MCTP2: variants seen among roughly 807,000 people sequenced by gnomAD.
The protein encoded by MCTP2 is multiple C2 and transmembrane domain containing 2.
A neutral mutation model predicts 111.6 loss-of-function variants in MCTP2; 132 were observed. The observed-to-expected ratio is 1.18, with a 90% CI of 1.03 to 1.37. MCTP2 has a LOEUF of 1.37. Among genes scored for constraint, MCTP2 ranks in the 40% most tolerant of loss-of-function variants. The pLI is 0.00. For missense variants in MCTP2, 1,183 were observed against 1,067.9 expected (o/e 1.11, Z -1.50); for synonymous variants, 395 against 387.7 (o/e 1.02, Z -0.22).
At chr15:94,297,265 C>T (rs1158122268) in intron 1 of MCTP2, among the ~76,000 whole-genome samples, 1 of 152,314 alleles carries the variant, frequency 6.6e-6, no homozygotes, top group African/African-American at 2.4e-5. Context: ...CAAATCACCA[C>T]TTTCCTCCAC....
intron 17 of MCTP2, among the ~76,000 whole-genome samples, chr15:94,436,881 A>G (rs75408871): frequency 0.14 from 21,124 of 151,876 alleles, 1,555 homozygotes; most frequent in East Asian, 0.25. Context: ...CAAAAAACGT[A>G]ACAATAGGGA....
intron 21 of MCTP2, among the ~76,000 whole-genome samples, chr15:94,474,013 A>G (rs554875684): frequency 9.1e-4 from 138 of 152,202 alleles, no homozygotes; most frequent in African/African-American, 3.1e-3. Context: ...GATCAATTCA[A>G]TCTATGATCC....
At chr15:94,244,328 G>GTA (rs200339267) in intron 1 of MCTP2, among the ~76,000 whole-genome samples, 3,542 of 145,912 alleles carry the variant, frequency 0.024, 126 homozygotes, top group African/African-American at 0.085. Flanking sequence ...GTATACACAT[G>GTA]TATATATACA....
At chr15:94,292,801 A>G (rs186345620) in intron 1 of MCTP2, 4 of 152,342 alleles carry the variant, frequency 2.6e-5, no homozygotes, top group African/African-American at 7.2e-5. Flanking sequence ...GAATAGCTAA[A>G]CAAATTTGGA....
intron 14 of MCTP2, among the ~76,000 whole-genome samples, chr15:94,394,378 G>A (rs1028323306): frequency 6.6e-6 from 1 of 151,994 alleles, no homozygotes; most frequent in Non-Finnish European, 1.5e-5. Context: ...AGTGTAAGCT[G>A]GCATTATTTT....
intron 1 of MCTP2, among the ~76,000 whole-genome samples, chr15:94,242,061 C>T (rs1224117891): frequency 3.3e-5 from 5 of 152,126 alleles, no homozygotes; most frequent in African/African-American, 1.2e-4. Flanking sequence ...GCAAGAGTTC[C>T]TGTAGGCCAC....
At chr15:94,313,312 A>G (rs1046840518) in intron 2 of MCTP2, among the ~76,000 whole-genome samples, 1 of 152,208 alleles carries the variant, frequency 6.6e-6, no homozygotes, top group Non-Finnish European at 1.5e-5. Context: ...AAAAGCTGAC[A>G]CAACTGAGGA....
At chr15:94,470,862 T>C (rs2073868024) in intron 21 of MCTP2, among the ~76,000 whole-genome samples, 2 of 152,036 alleles carry the variant, frequency 1.3e-5, no homozygotes, top group African/African-American at 4.8e-5. Flanking sequence ...ACTTCATCCC[T>C]CTTGGAGAAA....
Position 94,307,797 on chromosome 15 carries a change from G to C in MCTP2, c.466-6485G>C, listed in dbSNP as rs539487192. On this transcript the variant is annotated intron_variant, in intron 2 of 22. Transcript: ENST00000357742. ...CTGTGGGCAGAGGGAAAATGGCACT[G>C]TCCCGAGGCTTCGTCAGCCAGTCTC... Among the ~76,000 whole-genome samples, 3 of 152,236 alleles carry C rather than the reference G, an allele frequency of 2.0e-5. No individual in the cohort carries two copies. In the East Asian group the frequency reaches 5.8e-4, roughly 29 times the overall value.
At chr15:94,316,939 T>C (rs2152367779) in intron 4 of MCTP2, among the ~76,000 whole-genome samples, 1 of 152,294 alleles carries the variant, frequency 6.6e-6, no homozygotes, top group South Asian at 2.1e-4. Flanking sequence ...CTCTTTGATC[T>C]GTCTTCTATG....
At chr15:94,245,831 C>T (rs1037524794) in intron 1 of MCTP2, among the ~76,000 whole-genome samples, 1 of 151,336 alleles carries the variant, frequency 6.6e-6, no homozygotes, top group Non-Finnish European at 1.5e-5. Context: ...ATTGCTCCCC[C>T]CCCAGCCAAA....
At chr15:94,369,697 A>G (rs1309919543) in intron 11 of MCTP2, among the ~76,000 whole-genome samples, 4 of 152,218 alleles carry the variant, frequency 2.6e-5, no homozygotes, top group Admixed American at 2.6e-4. Flanking sequence ...TGTACTAACT[A>G]GGTCAGAATA....
chr15:94,458,439 G>C (rs1378908022), intron 20 of MCTP2, among the ~76,000 whole-genome samples, 193 bp downstream of exon 20: 1 of 152,074 alleles, frequency 6.6e-6, no homozygotes, highest in Non-Finnish European at 1.5e-5. Flanking sequence ...TCAGAACTGG[G>C]GTGACCATAC....
At chr15:94,333,231 C>T (rs966458896) in intron 4 of MCTP2, among the ~76,000 whole-genome samples, 2 of 152,100 alleles carry the variant, frequency 1.3e-5, no homozygotes, top group East Asian at 1.9e-4. Flanking sequence ...GAGCAAGTCT[C>T]CGTCTTGGAG....
At chr15:94,246,296 T>C (rs561058555) in intron 1 of MCTP2, among the ~76,000 whole-genome samples, 1 of 152,306 alleles carries the variant, frequency 6.6e-6, no homozygotes, top group East Asian at 1.9e-4. Flanking sequence ...TACTATGTAG[T>C]AATTGTGTGT....
At chr15:94,293,774 T>A (rs1335058123) in intron 1 of MCTP2, among the ~76,000 whole-genome samples, 1 of 152,240 alleles carries the variant, frequency 6.6e-6, no homozygotes, top group Non-Finnish European at 1.5e-5. Flanking sequence ...GAATGCAAAT[T>A]GGTCTGTTAA....
chr15:94,466,552 CCTTA>C lies in MCTP2; in HGVS notation c.2361-3780_2361-3777del, dbSNP rs572411645. On this transcript the variant is annotated intron_variant, in intron 20 of 22. Transcript: ENST00000357742. ...TCTATGGTACAATGTGTCCCTCCTT[CCTTA>C]TTCTTATCCTGAATATGTAAGCTTT... Among the ~76,000 whole-genome samples the C allele has an allele frequency of 3.9e-5, 6 of 152,262 alleles. No individual in the cohort carries two copies. The East Asian group carries it at 1.2e-3, about 29-fold the overall frequency.
chr15:94,348,202 G>T (rs975491516), intron 8 of MCTP2, among the ~76,000 whole-genome samples: 1 of 150,624 alleles, frequency 6.6e-6, no homozygotes, highest in Non-Finnish European at 1.5e-5. Flanking sequence ...CTTTTATTTT[G>T]GTTCCTCTCT....
rs1380806147 is a variant in MCTP2 at position 94,442,901 on chromosome 15, C to T, written c.2209-18C>T. The T allele has an allele frequency of 4.3e-6, 7 of 1,610,308 alleles. No homozygotes were observed. Among genetic ancestry groups the T allele is most frequent in the South Asian group, 1.1e-5 (1 of 90,716 alleles). Reference sequence around the variant, plus strand: ...ATTTCGGTTGATGTTTCTATAAACACGTGGGATTTCCTTTCAGGAGAGCAC... The same window carrying T: ...ATTTCGGTTGATGTTTCTATAAACATGTGGGATTTCCTTTCAGGAGAGCAC... On this transcript the variant is annotated intron_variant, in intron 18 of 22. Coordinates refer to ENST00000357742, the MANE Select transcript of MCTP2 (RefSeq NM_001385001.1).
Sources: gnomAD v4.1 joint callset for allele counts (sites outside exome capture counted in the v4.1 genomes callset) on GRCh38, gnomAD v4.1.1 for gene constraint, MANE v1.5 for transcripts, NCBI Gene and HGNC (gene_info 2026-07-23, HGNC 2026-07-21) for gene names.